SUGCT: variants seen among roughly 807,000 people sequenced by gnomAD.
SUGCT encodes succinyl-CoA:glutarate CoA-transferase.
A neutral mutation model predicts 55.0 loss-of-function variants in SUGCT; 41 were observed. That is an observed-to-expected ratio of 0.74 (90% CI 0.58 to 0.97). The LOEUF is 0.97. Among genes scored for constraint, SUGCT ranks in the 50% least tolerant of loss-of-function variants. The pLI is 0.00. For missense variants in SUGCT, 568 were observed against 547.8 expected (o/e 1.04, Z -0.37); for synonymous variants, 187 against 200.4 (o/e 0.93, Z 0.56).
intron 12 of SUGCT, among the ~76,000 whole-genome samples, chr7:40,617,819 T>A (rs955914679): frequency 6.6e-6 from 1 of 152,176 alleles, no homozygotes; most frequent in Admixed American, 6.5e-5. Context: ...ATAAAAAAGC[T>A]AAAGAGATTG....
chr7:40,961,535 T>C, the SUGCT span, among the ~76,000 whole-genome samples: 1 of 152,198 alleles, frequency 6.6e-6, no homozygotes, highest in Admixed American at 6.5e-5. Context: ...ACTCAGAAAA[T>C]CCCAGCTCTT....
rs557550273 is a variant in SUGCT, at chr7:40,688,471, A to G, written c.1090-60963A>G. On this transcript the variant is annotated intron_variant, in intron 12 of 13. Coordinates refer to ENST00000335693, the MANE Select transcript of SUGCT (RefSeq NM_001193313.2). Reference sequence around the variant, plus strand: ...TCGCTAAGATACCATGTAATAGTAAAAATTTAAAAACAACTCCCAAAGCCT... The same window carrying G: ...TCGCTAAGATACCATGTAATAGTAAGAATTTAAAAACAACTCCCAAAGCCT... Among the ~76,000 whole-genome samples, 6 of 152,182 alleles carry G rather than the reference A, an allele frequency of 3.9e-5. No homozygotes were observed. The South Asian group carries it at 1.2e-3, about 32-fold the overall frequency.
intron 12 of SUGCT, among the ~76,000 whole-genome samples, chr7:40,623,091 T>A (rs951822162): frequency 2.6e-5 from 4 of 152,126 alleles, no homozygotes; most frequent in African/African-American, 7.2e-5. Context: ...ATAACAGGAT[T>A]TTCTAGAAAT....
At chr7:40,527,557 A>T (rs762650738) in intron 12 of SUGCT, among the ~76,000 whole-genome samples, 9 of 152,184 alleles carry the variant, frequency 5.9e-5, no homozygotes, top group Non-Finnish European at 1.0e-4. Flanking sequence ...TGAAAGGGAG[A>T]CACTGCTGTC....
chr7:40,836,851 A>G (rs974193164), intron 13 of SUGCT, among the ~76,000 whole-genome samples: 10 of 152,030 alleles, frequency 6.6e-5, no homozygotes, highest in African/African-American at 2.4e-4. Flanking sequence ...TTAACTGTTC[A>G]CCTACTGAAA....
chr7:40,739,385 A>G (rs569408588), intron 12 of SUGCT, among the ~76,000 whole-genome samples: 56 of 152,306 alleles, frequency 3.7e-4, no homozygotes, highest in African/African-American at 1.2e-3. Flanking sequence ...ACTCAGCACA[A>G]TTCCCTTAAG....
chr7:40,344,364 C>T (rs922743339), intron 9 of SUGCT, among the ~76,000 whole-genome samples: 5 of 151,930 alleles, frequency 3.3e-5, no homozygotes, highest in Non-Finnish European at 5.9e-5. Flanking sequence ...ATTTCATTTT[C>T]GATATTGCAG....
At chr7:40,558,555 G>A (rs951535716) in intron 12 of SUGCT, among the ~76,000 whole-genome samples, 2 of 152,188 alleles carry the variant, frequency 1.3e-5, no homozygotes, top group Admixed American at 6.5e-5. Flanking sequence ...TTCATAGAAT[G>A]GGCAAATTCA....
At chr7:40,534,582 C>G (rs964253254) in intron 12 of SUGCT, among the ~76,000 whole-genome samples, 7 of 152,092 alleles carry the variant, frequency 4.6e-5, no homozygotes, top group African/African-American at 1.7e-4. Context: ...CCGTGCCCAG[C>G]TGATTTTTGT....
intron 13 of SUGCT, among the ~76,000 whole-genome samples, chr7:40,756,473 T>C (rs1788258187): frequency 6.6e-6 from 1 of 152,220 alleles, no homozygotes; most frequent in Non-Finnish European, 1.5e-5. Flanking sequence ...ATTACAACTC[T>C]GCCTTTTCTA....
At chr7:41,026,948 C>A in the SUGCT span, among the ~76,000 whole-genome samples, 1 of 152,116 alleles carries the variant, frequency 6.6e-6, no homozygotes, top group Non-Finnish European at 1.5e-5. Flanking sequence ...AGGAGAATTG[C>A]TTGAACCTGG....
the SUGCT span, among the ~76,000 whole-genome samples, chr7:40,934,326 G>A: frequency 6.6e-6 from 1 of 152,144 alleles, no homozygotes; most frequent in Non-Finnish European, 1.5e-5. Context: ...ATCCCAGAGG[G>A]GCACCTACCT....
chr7:40,559,536 G>T (rs1795732618), intron 12 of SUGCT, among the ~76,000 whole-genome samples: 1 of 152,168 alleles, frequency 6.6e-6, no homozygotes, highest in Non-Finnish European at 1.5e-5. Context: ...ATGGTGAAAT[G>T]AAATGAAGAA....
At chr7:40,390,797 T>G (rs187733706) in intron 9 of SUGCT, among the ~76,000 whole-genome samples, 1 of 152,148 alleles carries the variant, frequency 6.6e-6, no homozygotes, top group Non-Finnish European at 1.5e-5. Flanking sequence ...AGAGTTCATA[T>G]GGAACCAAAA....
At chr7:40,854,423 T>TC (rs1323207338) in intron 13 of SUGCT, among the ~76,000 whole-genome samples, 5 of 113,368 alleles carry the variant, frequency 4.4e-5, no homozygotes, top group African/African-American at 1.8e-4. Flanking sequence ...TTCTTTCCTT[T>TC]CTTTCTTTCT....
At chr7:41,025,969 T>C in the SUGCT span, among the ~76,000 whole-genome samples, 2 of 152,114 alleles carry the variant, frequency 1.3e-5, no homozygotes, top group East Asian at 3.9e-4. Context: ...GGTCGAGGGG[T>C]GGACTCCAGG....
At chr7:40,856,100 C>G (rs1794156398) in intron 13 of SUGCT, among the ~76,000 whole-genome samples, 1 of 152,180 alleles carries the variant, frequency 6.6e-6, no homozygotes, top group Admixed American at 6.5e-5. Flanking sequence ...AACAGACCAA[C>G]TGGCATCCGC....
At chr7:40,145,540 G>A (rs115055092) in intron 1 of SUGCT, among the ~76,000 whole-genome samples, 6,091 of 144,830 alleles carry the variant, frequency 0.042, 395 homozygotes, top group African/African-American at 0.14. Flanking sequence ...GATAATAACC[G>A]TTCTTTTCCA....
chr7:40,947,704 T>A, the SUGCT span, among the ~76,000 whole-genome samples: 2 of 152,230 alleles, frequency 1.3e-5, no homozygotes, highest in Admixed American at 1.3e-4. Context: ...CTATATTCTT[T>A]GTCATGTTTA....
Sources: allele counts gnomAD v4.1 joint callset (sites outside exome capture counted in the v4.1 genomes callset), GRCh38; gene constraint gnomAD v4.1.1; transcripts MANE v1.5; gene names NCBI Gene and HGNC (gene_info 2026-07-23, HGNC 2026-07-21).